MTUS2: variants seen among roughly 807,000 people sequenced by gnomAD.
The protein encoded by MTUS2 is microtubule associated scaffold protein 2, also known as microtubule-associated tumor suppressor candidate 2.
In MTUS2, 40 loss-of-function variants were observed where a neutral mutation model predicts 114.1. That is an observed-to-expected ratio of 0.35 (90% CI 0.27 to 0.46). The LOEUF is 0.46. Among genes scored for constraint, MTUS2 ranks in the 20% least tolerant of loss-of-function variants. The probability of loss-of-function intolerance (pLI) is 1.00; values close to 1 mark genes in which losing one functional copy is unlikely to be tolerated. For missense variants in MTUS2, 1,679 were observed against 1,705.4 expected (o/e 0.98, Z 0.27); for synonymous variants, 688 against 672.0 (o/e 1.02, Z -0.37).
At chr13:28,853,803 AGAT>A (rs1323482266) in intron 2 of MTUS2, among the ~76,000 whole-genome samples, 29 of 152,380 alleles carry the variant, frequency 1.9e-4, no homozygotes, top group African/African-American at 6.7e-4. Context: ...AAATAAAAAC[AGAT>A]GATAACTTAA....
intron 2 of MTUS2, among the ~76,000 whole-genome samples, chr13:29,005,099 T>C (rs761124208): frequency 4.6e-5 from 7 of 152,192 alleles, no homozygotes; most frequent in Non-Finnish European, 8.8e-5. Context: ...AGTAGGATTC[T>C]TGTCTTAGCA....
intron 5 of MTUS2, among the ~76,000 whole-genome samples, chr13:29,172,906 G>A (rs1893619365): frequency 6.6e-6 from 1 of 152,136 alleles, no homozygotes; most frequent in South Asian, 2.1e-4. Flanking sequence ...AAATAATGTA[G>A]TAGTCCTAGG....
intron 5 of MTUS2, among the ~76,000 whole-genome samples, chr13:29,129,755 T>C (rs1463418312): frequency 1.3e-5 from 2 of 152,184 alleles, no homozygotes; most frequent in African/African-American, 4.8e-5. Context: ...CCCAGCATGC[T>C]GGTTCTCAGG....
chr13:29,181,343 AG>A (rs1416337190), intron 5 of MTUS2, among the ~76,000 whole-genome samples: 1 of 152,124 alleles, frequency 6.6e-6, no homozygotes, highest in Non-Finnish European at 1.5e-5. Flanking sequence ...CAGTGACATG[AG>A]GGCTGAGGTG....
chr13:29,059,679 G>A (rs1008568169), intron 4 of MTUS2, among the ~76,000 whole-genome samples: 1 of 152,216 alleles, frequency 6.6e-6, no homozygotes, highest in Non-Finnish European at 1.5e-5. Context: ...TGGGCTGAAA[G>A]TGCTAGCAGT....
intron 2 of MTUS2, among the ~76,000 whole-genome samples, chr13:28,867,428 G>A (rs999234857): frequency 6.7e-6 from 1 of 149,978 alleles, no homozygotes; most frequent in Non-Finnish European, 1.5e-5. Context: ...TAGACCCACT[G>A]AATGTACTAG....
chr13:28,884,593 C>T (rs78547269), intron 2 of MTUS2, among the ~76,000 whole-genome samples: 207 of 152,266 alleles, frequency 1.4e-3, no homozygotes, highest in African/African-American at 4.8e-3. Context: ...AGTACACACA[C>T]GGCACACACA....
At chr13:28,868,319 T>C (rs2138091446) in intron 2 of MTUS2, among the ~76,000 whole-genome samples, 2 of 152,332 alleles carry the variant, frequency 1.3e-5, no homozygotes, top group East Asian at 3.9e-4. Flanking sequence ...GTGGTTTAGC[T>C]CTCACCCTGA....
At chr13:29,186,816 A>G (rs1389163652) in intron 5 of MTUS2, among the ~76,000 whole-genome samples, 1 of 152,196 alleles carries the variant, frequency 6.6e-6, no homozygotes, top group Non-Finnish European at 1.5e-5. Flanking sequence ...AACAGAATGC[A>G]CATTATTCTC....
At chr13:29,212,923 A>C (rs939864505) in intron 5 of MTUS2, among the ~76,000 whole-genome samples, 1 of 152,162 alleles carries the variant, frequency 6.6e-6, no homozygotes, top group African/African-American at 2.4e-5. Flanking sequence ...GAGGGAGCTG[A>C]AAGTTCCAAG....
At chr13:29,140,952 G>C (rs1892196279) in intron 5 of MTUS2, among the ~76,000 whole-genome samples, 1 of 152,176 alleles carries the variant, frequency 6.6e-6, no homozygotes, top group African/African-American at 2.4e-5. Context: ...ATGTGCACTA[G>C]ATATTAGGAG....
chr13:29,377,325 T>C (rs566482548), intron 8 of MTUS2, among the ~76,000 whole-genome samples: 4 of 152,292 alleles, frequency 2.6e-5, no homozygotes, highest in Admixed American at 6.5e-5. Flanking sequence ...ATGGAACATT[T>C]GCCAAGAGAG....
At chr13:29,036,660 C>CT (rs1442250449) in intron 4 of MTUS2, among the ~76,000 whole-genome samples, 1 of 152,192 alleles carries the variant, frequency 6.6e-6, no homozygotes, top group Non-Finnish European at 1.5e-5. Flanking sequence ...TTGTAGGTCT[C>CT]TAAGAACTTG....
At chr13:29,205,584 C>T (rs1895151301) in intron 5 of MTUS2, among the ~76,000 whole-genome samples, 1 of 152,198 alleles carries the variant, frequency 6.6e-6, no homozygotes, top group African/African-American at 2.4e-5. Flanking sequence ...CCAAAGTCCC[C>T]AGAGTGCATT....
chr13:28,869,525 C>A (rs1877495556), intron 2 of MTUS2, among the ~76,000 whole-genome samples: 1 of 152,166 alleles, frequency 6.6e-6, no homozygotes, highest in African/African-American at 2.4e-5. Context: ...GTAATCCCAG[C>A]ACTTTGGGAG....
intron 5 of MTUS2, among the ~76,000 whole-genome samples, chr13:29,103,879 G>C (rs1222091656): frequency 1.3e-5 from 2 of 152,202 alleles, no homozygotes; most frequent in African/African-American, 4.8e-5. Flanking sequence ...CACACTGACT[G>C]TGGCATGCTA....
At chr13:29,489,590 A>T (rs1350924310) in intron 11 of MTUS2, 1 of 152,230 alleles carries the variant, frequency 6.6e-6, no homozygotes, top group Non-Finnish European at 1.5e-5. Flanking sequence ...AACCACCTGG[A>T]AGTTTTTAAA....
chr13:29,383,752 A>G (rs1003803255), intron 8 of MTUS2, among the ~76,000 whole-genome samples: 1 of 92,170 alleles, frequency 1.1e-5, no homozygotes, highest in Non-Finnish European at 2.7e-5. Context: ...GACTGTGCCA[A>G]GGGAGGGCAG....
At chr13:29,022,053 A>C (rs766533274) in intron 2 of MTUS2, among the ~76,000 whole-genome samples, 1 of 152,210 alleles carries the variant, frequency 6.6e-6, no homozygotes, top group Non-Finnish European at 1.5e-5. Flanking sequence ...ATGCAAGCGC[A>C]CATGCACATG....
Sources: allele counts gnomAD v4.1 joint callset (sites outside exome capture counted in the v4.1 genomes callset), GRCh38; gene constraint gnomAD v4.1.1; transcripts MANE v1.5; gene names NCBI Gene and HGNC (gene_info 2026-07-23, HGNC 2026-07-21).